FN1: variants seen among roughly 807,000 people sequenced by gnomAD.
The protein encoded by FN1 is fibronectin 1.
Under a neutral mutation model 297.3 loss-of-function variants are expected in FN1, and 106 were observed. The observed-to-expected ratio is 0.36, with a 90% CI of 0.30 to 0.42. The LOEUF is 0.42. Ranked by LOEUF, FN1 falls within the 10% of genes least tolerant of loss-of-function variation. The probability of loss-of-function intolerance (pLI) is 1.00; values close to 1 mark genes in which losing one functional copy is unlikely to be tolerated. For missense variants in FN1, 2,690 were observed against 3,124.9 expected, an observed-to-expected ratio of 0.86 and a Z score of 3.32; for synonymous variants, 1,149 against 1,152.6, an observed-to-expected ratio of 1.00 and a Z score of 0.06.
In FN1 at chr2:215,365,565, C is replaced by T; in HGVS notation, c.7084G>A (p.Gly2362Ser). 1 of 1,614,022 alleles carries T rather than the reference C, an allele frequency of 6.2e-7. No individual in the cohort carries two copies. Residue 2362 changes from glycine to serine, a missense_variant, in exon 43 of 46, where the codon GGC becomes AGC. By Grantham distance (56) the Gly-to-Ser change is moderately conservative. This residue lies in a region of FN1 where 1,743 missense variants were observed against 1,945.2 expected (regional missense o/e 0.90). Coordinates refer to ENST00000354785, the MANE Select transcript of FN1 (RefSeq NM_212482.4). ...GEKWDRQGENGQMMSCTCLGN... is the reference protein window; with the variant it reads ...GEKWDRQGENSQMMSCTCLGN... ...AGACATGTGCAGCTCATCATCTGGC[C>T]ATTTTCTCCCTGACGGTCCCACTTC...
At chr2:215,419,537 TTTACC>T in intron 11 of FN1, 152 bp from the exon 12 acceptor site, 1 of 720,726 alleles carries the variant, frequency 1.4e-6, no homozygotes, top group Non-Finnish European at 2.4e-6. Context: ...GTTCACATTC[TTTACC>T]TTACAGGACA....
At chr2:215,365,722 C>T in intron 42 of FN1, 92 bp from the exon 43 acceptor site, 3 of 1,204,140 alleles carry the variant, frequency 2.5e-6, no homozygotes, top group Non-Finnish European at 3.6e-6. Context: ...ACAGGGTCTT[C>T]AGAACCATGA....
intron 13 of FN1, among the ~76,000 whole-genome samples, chr2:215,411,081 G>A (rs2062560064): frequency 6.6e-6 from 1 of 152,176 alleles, no homozygotes; most frequent in Admixed American, 6.5e-5. Flanking sequence ...TTGGATATGA[G>A]CTACCCCATC....
At chr2:215,399,565 A>C (rs990537006) in intron 20 of FN1, among the ~76,000 whole-genome samples, 4 of 152,136 alleles carry the variant, frequency 2.6e-5, no homozygotes, top group Non-Finnish European at 5.9e-5. Flanking sequence ...GCTAAAATGC[A>C]GATTCTGTTT....
chr2:215,386,619 A>G, intron 28 of FN1, 70 bp downstream of exon 28: 1 of 1,118,952 alleles, frequency 8.9e-7, no homozygotes, highest in South Asian at 1.3e-5. Context: ...GACAACAGCA[A>G]GCTACTTTAC....
chr2:215,403,969 G>A (rs1010537394), intron 20 of FN1, among the ~76,000 whole-genome samples: 3 of 152,104 alleles, frequency 2.0e-5, no homozygotes, highest in East Asian at 1.9e-4. Context: ...TTTTTCTTGC[G>A]TTAACTAGTG....
intron 4 of FN1, 46 bp from the exon 5 acceptor site, chr2:215,430,898 A>G: frequency 6.2e-7 from 1 of 1,605,744 alleles, no homozygotes; most frequent in Non-Finnish European, 8.5e-7. Flanking sequence ...GGTTATTTTG[A>G]ATTGTGCAAG....
intron 14 of FN1, 95 bp from the exon 15 acceptor site, chr2:215,409,834 C>T: frequency 6.3e-7 from 1 of 1,593,506 alleles, no homozygotes. Context: ...GTTGGTGCCC[C>T]TCCTGGAAGA....
At chr2:215,370,495 T>G in intron 40 of FN1, 63 bp from the exon 41 acceptor site, 1 of 1,349,240 alleles carries the variant, frequency 7.4e-7, no homozygotes, top group Non-Finnish European at 1.0e-6. Context: ...ACACGGGCTC[T>G]CCTCTTACCA....
chr2:215,382,348 ATG>A (rs759882878), intron 31 of FN1, 23 bp from the exon 32 acceptor site: 1 of 1,468,078 alleles, frequency 6.8e-7, no homozygotes. Context: ...TGAAAAGCAA[ATG>A]CAACATCCAC....
rs375250840 is a variant in FN1 at position 215,405,615 on chromosome 2, C to T, written c.2986+623G>A. Among the ~76,000 whole-genome samples the T allele has an allele frequency of 4.7e-4, 72 of 152,130 alleles. No homozygotes were observed. The East Asian group carries it at 0.011, about 23-fold the overall frequency. ...AAAATTAGCAGGGCATGGTGGCACACGCCTGTAGTCCCAGCTACTCGGGAG... is the reference window on the plus strand; with the variant it reads ...AAAATTAGCAGGGCATGGTGGCACATGCCTGTAGTCCCAGCTACTCGGGAG... On this transcript the variant is annotated intron_variant, in intron 19 of 45. Coordinates refer to ENST00000354785, the MANE Select transcript of FN1 (RefSeq NM_212482.4).
chr2:215,418,281 C>T (rs1241943307), intron 12 of FN1, among the ~76,000 whole-genome samples: 2 of 152,178 alleles, frequency 1.3e-5, no homozygotes. Flanking sequence ...TAAAGGTAAT[C>T]AGCTACAATC....
At chr2:215,413,505 A>C (rs2062986705) in intron 13 of FN1, among the ~76,000 whole-genome samples, 1 of 152,212 alleles carries the variant, frequency 6.6e-6, no homozygotes, top group South Asian at 2.1e-4. Context: ...AATTATCCAC[A>C]AGCCTACTTT....
chr2:215,435,556 TCGCACACACG>T (rs1225403506), intron 1 of FN1, 89 bp downstream of exon 1: 1 of 1,537,076 alleles, frequency 6.5e-7, no homozygotes, highest in Middle Eastern at 1.7e-4. Flanking sequence ...GCGCACACAC[TCGCACACACG>T]CGCGCGCACA....
Position 215,367,960 on chromosome 2 carries a change from G to A in FN1, c.6921C>T (p.Ala2307=), listed in dbSNP as rs372228808. ...ACATTCGTTCCCACTCATCTCCAAC[G>A]GCATAATGGGAAACTGTGTAGGGGT... ...CFDPYTVSHY[A]VGDEWERMSE... The change falls in exon 42 of 46, where the codon GCC becomes GCT. Residue 2307 remains alanine, a synonymous_variant. Transcript: ENST00000354785. 43 of 1,614,002 alleles carry A rather than the reference G, an allele frequency of 2.7e-5. No individual in the cohort carries two copies. The South Asian group carries it at 3.2e-4, about 12-fold the overall frequency.
rs1315286641 is a variant in FN1, at chr2:215,420,673, C to T, written c.1675G>A (p.Asp559Asn). 12 of 1,613,936 alleles carry T rather than the reference C, an allele frequency of 7.4e-6. No homozygotes were observed. Among genetic ancestry groups the T allele is most frequent in the Admixed American group, 1.7e-5 (1 of 59,990 alleles). Residue 559 changes from aspartate (D) to asparagine (N), a missense_variant and splice_region_variant, in exon 11 of 46, where the codon GAC (aspartate) becomes AAC (asparagine). Asp to Asn is a conservative substitution (Grantham distance 23). Around this residue, in one of 3 missense-constraint regions of FN1, gnomAD observed 876 missense variants for 1,058.1 expected, o/e 0.83. Transcript: ENST00000354785. ...CATCTAGGGAAATAGGGCTACTCAC[C>T]GACGGGATCACACTTCCACCTGCCC... ...GRGRWKCDPV[D>N]QCQDSETGTF...
At chr2:215,365,078 T>C in intron 43 of FN1, 93 bp from the exon 44 acceptor site, 1 of 808,074 alleles carries the variant, frequency 1.2e-6, no homozygotes, top group Non-Finnish European at 2.1e-6. Context: ...CCTAAATTTG[T>C]ATCATCACAG....
intron 42 of FN1, among the ~76,000 whole-genome samples, chr2:215,367,144 A>G (rs944683432): frequency 6.6e-6 from 1 of 152,212 alleles, no homozygotes; most frequent in Non-Finnish European, 1.5e-5. Flanking sequence ...AAATGAACCA[A>G]TTGTCAATAA....
chr2:215,415,540 A>C (rs1340473979), intron 12 of FN1, among the ~76,000 whole-genome samples: 1 of 152,216 alleles, frequency 6.6e-6, no homozygotes, highest in East Asian at 1.9e-4. Flanking sequence ...GCAGTCTATC[A>C]GTTTGGAAAA....
Sources: allele counts gnomAD v4.1 joint callset (sites outside exome capture counted in the v4.1 genomes callset), GRCh38; gene constraint gnomAD v4.1.1; regional missense constraint gnomAD v4.1.1; transcripts MANE v1.5; gene names NCBI Gene and HGNC (gene_info 2026-07-23, HGNC 2026-07-21).